Variants in UBAP2 observed in about 807,000 individuals in gnomAD.
UBAP2 encodes ubiquitin associated protein 2.
UBAP2 carries 75 observed loss-of-function variants against 139.6 expected under a neutral mutation model. That is an observed-to-expected ratio of 0.54 (90% CI 0.45 to 0.65). The LOEUF is 0.65. Among genes scored for constraint, UBAP2 ranks in the 30% least tolerant of loss-of-function variants. UBAP2 has a pLI of 0.00. For synonymous variants in UBAP2, 526 were observed against 526.2 expected (o/e 1.00, Z 0.01); for missense variants, 1,368 against 1,369.6 (o/e 1.00, Z 0.02).
At chr9:33,923,692 G>A (rs183839006) in intron 24 of UBAP2, 103 bp downstream of exon 24, 4 of 1,280,024 alleles carry the variant, frequency 3.1e-6, no homozygotes, top group East Asian at 2.3e-5. Flanking sequence ...GTAAGACGGA[G>A]TGGAATCACA....
chr9:33,941,811 T>C lies in UBAP2; in HGVS notation c.1767A>G (p.Thr589=). Residue 589 remains threonine, a synonymous_variant, in exon 16 of 29, where the codon ACA becomes ACG. Transcript: ENST00000379238. The part of the protein sequence containing the change: ...LSMTSAVQNS[T]YTTSVITSCS... ...AGGAGGTAATGACGGAAGTTGTATA[T>C]GTGGAGTTCTGTACTGCACTGGTCA... The C allele has an allele frequency of 6.2e-7, 1 of 1,614,096 alleles. No homozygotes were observed. Among genetic ancestry groups the C allele is most frequent in the Middle Eastern group, 1.6e-4 (1 of 6,062 alleles).
intron 4 of UBAP2, among the ~76,000 whole-genome samples, chr9:33,992,799 A>G (rs912219370): frequency 6.6e-6 from 1 of 152,192 alleles, no homozygotes; most frequent in African/African-American, 2.4e-5. Context: ...TTAACCAAGT[A>G]ATTATGGAGG....
In UBAP2 at chr9:33,963,767, A is replaced by G. The variant is rs534503935; in HGVS notation, c.704T>C (p.Ile235Thr). The G allele has an allele frequency of 2.4e-5, 38 of 1,612,728 alleles. No homozygotes were observed. In the South Asian group the frequency reaches 4.0e-4, roughly 17 times the overall value. Residue 235 changes from isoleucine to threonine, a missense_variant, in exon 9 of 29, where the codon ATA becomes ACA. By Grantham distance (89) the Ile-to-Thr change is moderately conservative. Coordinates refer to ENST00000379238, the MANE Select transcript of UBAP2 (RefSeq NM_001370062.2). Reference sequence around the variant, plus strand: ...ACTTTTGTTTGACAGATCCTGAGCTATGTTGTGAGTATTTGATGCCAGTTC... The same window carrying G: ...ACTTTTGTTTGACAGATCCTGAGCTGTGTTGTGAGTATTTGATGCCAGTTC... ...GTELASNTHN[I>T]AQDLSNKSSY...
chr9:33,996,222 C>G lies in UBAP2; in HGVS notation c.288+1G>C, dbSNP rs1173114737. 2 of 1,601,544 alleles carry G rather than the reference C, an allele frequency of 1.2e-6. No homozygotes were observed. Among genetic ancestry groups the G allele is most frequent in the Non-Finnish European group, 1.7e-6 (2 of 1,169,744 alleles). On this transcript the variant is annotated splice_donor_variant, in intron 4 of 28. Coordinates refer to ENST00000379238, the MANE Select transcript of UBAP2 (RefSeq NM_001370062.2). LOFTEE classifies it high-confidence loss of function. ...AATGCAAATCAATTAATAATACTTA[C>G]TGTGTCTGAATTCCCTTCCAGCAAT...
rs764206921 is a variant in UBAP2, at chr9:33,986,845, G to A, written c.443-8C>T. Reference sequence around the variant, plus strand: ...CATTTTCTTCACCTCTAACTAGGGGGAAAAGAGCAGAAAAATCAAATTTCC... The same window carrying A: ...CATTTTCTTCACCTCTAACTAGGGGAAAAAGAGCAGAAAAATCAAATTTCC... On this transcript the variant is annotated splice_region_variant and splice_polypyrimidine_tract_variant and intron_variant, in intron 5 of 28. Transcript: ENST00000379238. 6.2e-7 allele frequency: 1 copy of A among 1,612,668 alleles called. No individual in the cohort carries two copies. Among genetic ancestry groups the A allele is most frequent in the Non-Finnish European group, 8.5e-7 (1 of 1,178,886 alleles).
At chr9:33,945,544 G>T (rs1330788917) in intron 13 of UBAP2, among the ~76,000 whole-genome samples, 1 of 152,048 alleles carries the variant, frequency 6.6e-6, no homozygotes, top group African/African-American at 2.4e-5. Flanking sequence ...TATGTATGAC[G>T]AATATTATGT....
At chr9:33,996,120 A>C in intron 4 of UBAP2, 103 bp downstream of exon 4, 1 of 780,776 alleles carries the variant, frequency 1.3e-6, no homozygotes, top group Non-Finnish European at 2.1e-6. Flanking sequence ...ATGGAATGGC[A>C]CCATAATCCA....
At chr9:34,018,666 AT>A (rs1033655167) in intron 1 of UBAP2, among the ~76,000 whole-genome samples, 1 of 152,148 alleles carries the variant, frequency 6.6e-6, no homozygotes, top group African/African-American at 2.4e-5. Context: ...GATCGAGACC[AT>A]CCTGGCTAAC....
chr9:34,011,615 T>C (rs1286942602), intron 2 of UBAP2: 61 of 986,740 alleles, frequency 6.2e-5, no homozygotes, highest in Non-Finnish European at 7.2e-5. Flanking sequence ...AAGAGTATAA[T>C]AGGGAAGTTA....
intron 16 of UBAP2, among the ~76,000 whole-genome samples, chr9:33,940,855 A>G (rs896565937): frequency 2.0e-5 from 3 of 152,242 alleles, no homozygotes; most frequent in South Asian, 4.1e-4. Flanking sequence ...TCTTATCAAT[A>G]AAGTATCTTT....
intron 6 of UBAP2, among the ~76,000 whole-genome samples, chr9:33,978,016 T>TAAA (rs78838897): frequency 8.5e-5 from 10 of 118,218 alleles, no homozygotes; most frequent in East Asian, 2.7e-4. Flanking sequence ...CTCTGTCTTT[T>TAAA]AAAAAAAAAA....
At position 33,933,597 on chromosome 9, in the gene UBAP2, G is replaced by A. The variant is rs779665134; in HGVS notation, c.2001C>T (p.Leu667=). ...TGCTGGGCAGGGAGCTCACAGACGGGAGGGCAGAGGGAGGGCCTGTTGTCT... is the reference window on the plus strand; with the variant it reads ...TGCTGGGCAGGGAGCTCACAGACGGAAGGGCAGAGGGAGGGCCTGTTGTCT... The part of the protein sequence containing the change: ...TPKTTGPPSA[L]PSVSSLPSTT... Residue 667 remains leucine, a synonymous_variant, in exon 18 of 29, where the codon CTC becomes CTT. Transcript: ENST00000379238. 1.2e-6 allele frequency: 2 copies of A among 1,614,008 alleles called. No individual in the cohort carries two copies. Among genetic ancestry groups the A allele is most frequent in the Non-Finnish European group, 8.5e-7 (1 of 1,180,012 alleles).
intron 8 of UBAP2, among the ~76,000 whole-genome samples, chr9:33,964,056 G>C (rs1827272872): frequency 6.6e-6 from 1 of 152,172 alleles, no homozygotes; most frequent in African/African-American, 2.4e-5. Context: ...TCATCAAAGA[G>C]AGTATTCTAA....
At chr9:33,993,289 A>C (rs1299823456) in intron 4 of UBAP2, among the ~76,000 whole-genome samples, 2 of 152,322 alleles carry the variant, frequency 1.3e-5, no homozygotes, top group South Asian at 2.1e-4. Flanking sequence ...GCAACATCAC[A>C]GTGTTTATAT....
At chr9:33,962,982 A>C (rs1353471414) in intron 9 of UBAP2, among the ~76,000 whole-genome samples, 1 of 151,584 alleles carries the variant, frequency 6.6e-6, no homozygotes, top group Non-Finnish European at 1.5e-5. Context: ...TCCATCTCAA[A>C]AAAAATAAAT....
At chr9:33,947,094 C>CA (rs1825708981) in intron 13 of UBAP2, among the ~76,000 whole-genome samples, 1 of 151,768 alleles carries the variant, frequency 6.6e-6, no homozygotes. Context: ...TGTGCTATAG[C>CA]AAAAAATGTA....
At chr9:33,942,425 AAAC>A (rs71891795) in intron 15 of UBAP2, among the ~76,000 whole-genome samples, 19,261 of 131,606 alleles carry the variant, frequency 0.15, 1,535 homozygotes, top group African/African-American at 0.23. Flanking sequence ...GAAAAAACTA[AAAC>A]AACAACAACA....
intron 2 of UBAP2, among the ~76,000 whole-genome samples, chr9:34,016,259 AAG>A (rs1406702970): frequency 3.7e-4 from 10 of 26,680 alleles, no homozygotes; most frequent in Non-Finnish European, 8.5e-4. Context: ...GAGGAGGAGG[AAG>A]AGGAGGAAGA....
At chr9:33,989,539 C>T (rs1381505543) in intron 4 of UBAP2, among the ~76,000 whole-genome samples, 2 of 152,214 alleles carry the variant, frequency 1.3e-5, no homozygotes, top group Non-Finnish European at 2.9e-5. Flanking sequence ...CCACAGCTTG[C>T]AGCTCACCTG....
Sources: allele counts gnomAD v4.1 joint callset (sites outside exome capture counted in the v4.1 genomes callset), GRCh38; gene constraint gnomAD v4.1.1; transcripts MANE v1.5; gene names NCBI Gene and HGNC (gene_info 2026-07-23, HGNC 2026-07-21).